The following ACAA2 variants were observed in gnomAD, a reference collection of about 807,000 sequenced individuals.
ACAA2 encodes acetyl-CoA acyltransferase 2, also known as 3-ketoacyl-CoA thiolase, mitochondrial.
ACAA2 carries 35 observed loss-of-function variants against 44.8 expected under a neutral mutation model. The ratio of observed to expected loss-of-function variants is 0.78; its 90% CI spans 0.60 to 1.04. The LOEUF (loss-of-function observed/expected upper bound fraction) is 1.04, where lower values mean the gene tolerates loss of function less well. Among genes scored for constraint, ACAA2 ranks in the 50% least tolerant of loss-of-function variants. The pLI, the probability that ACAA2 is intolerant of heterozygous loss-of-function variation, is 0.00. For missense variants in ACAA2, 468 were observed against 482.6 expected (o/e 0.97, Z 0.28); for synonymous variants, 142 against 166.5 (o/e 0.85, Z 1.13).
chr18:49,789,548 T>C (rs2023373814), intron 7 of ACAA2, among the ~76,000 whole-genome samples: 1 of 152,194 alleles, frequency 6.6e-6, no homozygotes, highest in Admixed American at 6.5e-5. Flanking sequence ...AAAACAACGC[T>C]TTCTTGGTTC....
intron 2 of ACAA2, among the ~76,000 whole-genome samples, chr18:49,800,076 A>G (rs1296563278): frequency 6.7e-6 from 1 of 149,654 alleles, no homozygotes; most frequent in African/African-American, 2.5e-5. Context: ...GCCATCCGGG[A>G]GGGAGGTGGG....
At chr18:49,788,833 C>T (rs542582462) in intron 7 of ACAA2, among the ~76,000 whole-genome samples, 1 of 152,186 alleles carries the variant, frequency 6.6e-6, no homozygotes, top group Non-Finnish European at 1.5e-5. Context: ...CTGTTATTTA[C>T]TGGGACTTCA....
At chr18:49,791,928 TTTC>T (rs1203944494) in intron 6 of ACAA2, among the ~76,000 whole-genome samples, 2 of 152,178 alleles carry the variant, frequency 1.3e-5, no homozygotes, top group Non-Finnish European at 2.9e-5. Flanking sequence ...GTTTCTGAAA[TTTC>T]TTAGTTCTGA....
At position 49,802,808 on chromosome 18, in the gene ACAA2, C is replaced by A. The variant is rs1334606683; in HGVS notation, c.62G>T (p.Gly21Val). ...AGCAGTGAAGTCTTTCAGAAGGCCT[C>A]CGTAAGCTCCAAAGGGCGTTCGCTT... ...AAKRTPFGAY[G>V]GLLKDFTATD... Residue 21 changes from glycine (G) to valine (V), a missense_variant, in exon 2 of 10, where the codon GGA becomes GTA. By Grantham distance (109) the Gly-to-Val change is moderately radical (BLOSUM62 -3). Transcript: ENST00000285093. 1.9e-6 allele frequency: 3 copies of A among 1,614,150 alleles called. No individual in the cohort carries two copies. Among genetic ancestry groups the A allele is most frequent in the Non-Finnish European group, 2.5e-6 (3 of 1,180,034 alleles).
chr18:49,795,919 C>A, intron 3 of ACAA2, 38 bp from the exon 4 acceptor site: 1 of 1,275,332 alleles, frequency 7.8e-7, no homozygotes, highest in South Asian at 1.2e-5. Flanking sequence ...CTCCTTTTAC[C>A]GTACCCAAAC....
intron 2 of ACAA2, among the ~76,000 whole-genome samples, chr18:49,800,102 G>A (rs2023522598): frequency 6.8e-6 from 1 of 147,346 alleles, no homozygotes; most frequent in South Asian, 2.2e-4. Context: ...GCCCCCACCA[G>A]GCCAGCCGCC....
rs138977855 is a variant in ACAA2, at chr18:49,802,783, A to G, written c.87T>C (p.Ala29=). 1 of 1,614,190 alleles carries G rather than the reference A, an allele frequency of 6.2e-7. No homozygotes were observed. Among genetic ancestry groups the G allele is most frequent in the African/African-American group, 1.3e-5 (1 of 75,046 alleles). Residue 29 remains alanine, a synonymous_variant, in exon 2 of 10, where the codon GCT becomes GCC. Transcript: ENST00000285093. ...AYGGLLKDFT[A]TDLSEFAAKA... Reference sequence around the variant, plus strand: ...TGGCAGCAAATTCAGACAAGTCAGTAGCAGTGAAGTCTTTCAGAAGGCCTC... The same window carrying G: ...TGGCAGCAAATTCAGACAAGTCAGTGGCAGTGAAGTCTTTCAGAAGGCCTC...
chr18:49,805,454 C>T (rs1021853436), intron 1 of ACAA2, among the ~76,000 whole-genome samples: 4 of 152,222 alleles, frequency 2.6e-5, no homozygotes, highest in African/African-American at 9.6e-5. Flanking sequence ...GAGTGCATTA[C>T]AAACGTTTTG....
rs139049156 is a variant in ACAA2, at chr18:49,789,485, G to A, written c.883+1985C>T. Among the ~76,000 whole-genome samples, 7 of 152,254 alleles carry A rather than the reference G, an allele frequency of 4.6e-5. No homozygotes were observed. In the East Asian group the frequency reaches 1.2e-3, roughly 25 times the overall value. ...AGGAAAAATGACAATCCTACCACAGGAGCATTCTTTGTACTTTAGGGCAAA... is the reference window on the plus strand; with the variant it reads ...AGGAAAAATGACAATCCTACCACAGAAGCATTCTTTGTACTTTAGGGCAAA... On this transcript the variant is annotated intron_variant, in intron 7 of 9. Transcript: ENST00000285093.
intron 5 of ACAA2, among the ~76,000 whole-genome samples, chr18:49,793,731 G>A (rs1270347995): frequency 6.6e-6 from 1 of 152,104 alleles, no homozygotes; most frequent in Non-Finnish European, 1.5e-5. Context: ...TGCCTGTTTT[G>A]GACCGGCTCT....
chr18:49,808,371 G>C (rs770716217), intron 1 of ACAA2, among the ~76,000 whole-genome samples: 2 of 152,166 alleles, frequency 1.3e-5, no homozygotes, highest in African/African-American at 4.8e-5. Context: ...TAAATGATTT[G>C]AAAACTTATG....
At chr18:49,789,870 G>A (rs1203456944) in intron 7 of ACAA2, among the ~76,000 whole-genome samples, 2 of 152,064 alleles carry the variant, frequency 1.3e-5, no homozygotes, top group African/African-American at 2.4e-5. Context: ...TGTAATCCCA[G>A]CTACTGGGAA....
chr18:49,793,494 T>C (rs192348786), intron 5 of ACAA2, among the ~76,000 whole-genome samples: 7 of 152,330 alleles, frequency 4.6e-5, no homozygotes, highest in African/African-American at 1.7e-4. Context: ...TCTTGACTTC[T>C]AGACCAATCC....
At chr18:49,798,135 T>G (rs894727365) in intron 2 of ACAA2, among the ~76,000 whole-genome samples, 1 of 152,216 alleles carries the variant, frequency 6.6e-6, no homozygotes, top group African/African-American at 2.4e-5. Context: ...TACTCATGCT[T>G]AAGTTCCTAA....
chr18:49,789,206 A>G (rs536254640), intron 7 of ACAA2, among the ~76,000 whole-genome samples: 1 of 152,172 alleles, frequency 6.6e-6, no homozygotes, highest in South Asian at 2.1e-4. Context: ...GTCTGCAGCT[A>G]TTCTGCAGGG....
chr18:49,794,330 C>A lies in ACAA2; in HGVS notation c.527G>T (p.Arg176Ile). 1 of 1,610,618 alleles carries A rather than the reference C, an allele frequency of 6.2e-7. No individual in the cohort carries two copies. The highest frequency in any genetic ancestry group is 8.5e-7 in the Non-Finnish European group (1 of 1,179,474). Reference protein sequence around the residue: ...ENLAVKHKISREECDKYALQS... With the variant: ...ENLAVKHKISIEECDKYALQS... ...CAGGGCATATTTGTCACATTCTTCT[C>A]TGCTTATTTTGTGTTTTACAGCAAG... The change falls in exon 5 of 10, where the codon AGA becomes ATA. Residue 176 changes from arginine (R) to isoleucine (I), a missense_variant. By Grantham distance (97) the Arg-to-Ile change is moderately conservative (BLOSUM62 -3). Transcript: ENST00000285093.
At chr18:49,810,149 T>G (rs773191488) in intron 1 of ACAA2, among the ~76,000 whole-genome samples, 1 of 152,150 alleles carries the variant, frequency 6.6e-6, no homozygotes, top group African/African-American at 2.4e-5. Flanking sequence ...AAAAAAACAT[T>G]TGCAGAAATA....
At chr18:49,787,487 CT>C in intron 7 of ACAA2, 126 bp from the exon 8 acceptor site, 1 of 659,028 alleles carries the variant, frequency 1.5e-6, no homozygotes, top group African/African-American at 1.9e-5. Flanking sequence ...AGCCACAAAT[CT>C]TACTACCTTG....
chr18:49,794,413 T>G lies in ACAA2; in HGVS notation c.444A>C (p.Leu148Phe). The change falls in exon 5 of 10, where the codon TTA becomes TTC. Residue 148 changes from leucine to phenylalanine, a missense_variant. By Grantham distance (22) the Leu-to-Phe change is conservative. Coordinates refer to ENST00000285093, the MANE Select transcript of ACAA2 (RefSeq NM_006111.3). ...CATGCTGATCTGTTAATGATACCCA[T>G]AAAGAATCTTCCAGCTATTAAAAGA... ...LGSDIKLEDS[L>F]WVSLTDQHVQ... 6.3e-7 allele frequency: 1 copy of G among 1,588,372 alleles called. No homozygotes were observed.
Sources: allele counts gnomAD v4.1 joint callset (sites outside exome capture counted in the v4.1 genomes callset), GRCh38; gene constraint gnomAD v4.1.1; transcripts MANE v1.5; gene names NCBI Gene and HGNC (gene_info 2026-07-23, HGNC 2026-07-21).